KCNK2: variants seen among roughly 807,000 people sequenced by gnomAD.
The protein encoded by KCNK2 is potassium two pore domain channel subfamily K member 2.
In KCNK2, 21 loss-of-function variants were observed where a neutral mutation model predicts 40.5. That is an observed-to-expected ratio of 0.52 (90% CI 0.37 to 0.75). The LOEUF (loss-of-function observed/expected upper bound fraction) is 0.75. Ranked by LOEUF, KCNK2 falls within the 30% of genes least tolerant of loss-of-function variation. The probability of loss-of-function intolerance (pLI) is 0.00; values close to 1 mark genes in which losing one functional copy is unlikely to be tolerated. For missense variants in KCNK2, 399 were observed against 531.6 expected (o/e 0.75, Z 2.45); for synonymous variants, 191 against 202.2 (o/e 0.94, Z 0.47).
intron 3 of KCNK2, among the ~76,000 whole-genome samples, chr1:215,162,010 C>T (rs1663220335): frequency 6.6e-6 from 1 of 152,166 alleles, no homozygotes; most frequent in African/African-American, 2.4e-5. Context: ...ACATTGTCTT[C>T]CACGATGGTT....
rs1661342699 is a variant in KCNK2, at chr1:215,124,739, T to C, written c.464T>C (p.Ile155Thr). The C allele has an allele frequency of 1.3e-6, 2 of 1,584,958 alleles. No individual in the cohort carries two copies. The highest frequency in any genetic ancestry group is 1.7e-6 in the Non-Finnish European group (2 of 1,153,540). Residue 155 changes from isoleucine (I) to threonine (T), a missense_variant, in exon 3 of 7, where the codon ATT becomes ACT. Ile to Thr is a moderately conservative substitution (Grantham distance 89, BLOSUM62 -1). Coordinates refer to ENST00000444842, the MANE Select transcript of KCNK2 (RefSeq NM_001017425.3). ...TCCTTCTTCTTTGCTGGCACTGTTA[T>C]TACAACCATAGGTAGGAGACAACTT... ...GSSFFFAGTV[I>T]TTIGFGNISP...
chr1:215,112,167 T>G (rs1660714318), intron 2 of KCNK2, among the ~76,000 whole-genome samples: 1 of 152,068 alleles, frequency 6.6e-6, no homozygotes. Context: ...AGAAGCCTTT[T>G]GGAAAGTCTG....
At chr1:215,176,027 G>A (rs919555059) in intron 5 of KCNK2, among the ~76,000 whole-genome samples, 2 of 152,092 alleles carry the variant, frequency 1.3e-5, no homozygotes, top group Non-Finnish European at 2.9e-5. Context: ...TAGGATTGCT[G>A]TGCTGAACGG....
chr1:215,083,906 T>TG (rs991513670), intron 1 of KCNK2, among the ~76,000 whole-genome samples: 3 of 151,944 alleles, frequency 2.0e-5, no homozygotes, highest in Non-Finnish European at 2.9e-5. Flanking sequence ...TGTGATGAGC[T>TG]GGGGGAGGGG....
intron 6 of KCNK2, among the ~76,000 whole-genome samples, chr1:215,228,817 C>A (rs564536619): frequency 6.6e-6 from 1 of 152,016 alleles, no homozygotes; most frequent in Non-Finnish European, 1.5e-5. Context: ...TTCTCAGGAA[C>A]TTATTTTTGA....
intron 2 of KCNK2, among the ~76,000 whole-genome samples, chr1:215,088,590 A>G (rs63288662): frequency 2.0e-5 from 3 of 150,256 alleles, no homozygotes; most frequent in Non-Finnish European, 3.0e-5. Flanking sequence ...AAAAAAAAAA[A>G]CCATGACCAG....
intron 2 of KCNK2, among the ~76,000 whole-genome samples, chr1:215,094,265 T>C (rs1659881292): frequency 6.6e-6 from 1 of 151,992 alleles, no homozygotes; most frequent in Non-Finnish European, 1.5e-5. Flanking sequence ...TTTAGGGACA[T>C]AAAAATAGCC....
intron 1 of KCNK2, among the ~76,000 whole-genome samples, chr1:215,018,221 G>A (rs114201813): frequency 0.013 from 1,961 of 152,172 alleles, 39 homozygotes; most frequent in African/African-American, 0.045. Flanking sequence ...TTTTGATTGC[G>A]AATGAGAATC....
intron 4 of KCNK2, among the ~76,000 whole-genome samples, chr1:215,170,132 T>C (rs1663635502): frequency 6.6e-6 from 1 of 152,186 alleles, no homozygotes; most frequent in Non-Finnish European, 1.5e-5. Context: ...TACTTTATTA[T>C]TTTAAAATTT....
At chr1:215,014,554 T>G (rs1656517903) in intron 1 of KCNK2, among the ~76,000 whole-genome samples, 1 of 152,062 alleles carries the variant, frequency 6.6e-6, no homozygotes, top group East Asian at 1.9e-4. Context: ...GGTAGTAGTC[T>G]AGAAATATGT....
intron 6 of KCNK2, 84 bp from the exon 7 acceptor site, chr1:215,234,744 A>G: frequency 3.0e-6 from 4 of 1,324,306 alleles, no homozygotes; most frequent in Non-Finnish European, 4.2e-6. Flanking sequence ...TAAAATCCCA[A>G]AATAAAATGA....
chr1:215,101,328 C>T (rs1353445462), intron 2 of KCNK2, among the ~76,000 whole-genome samples: 1 of 151,814 alleles, frequency 6.6e-6, no homozygotes, highest in Non-Finnish European at 1.5e-5. Context: ...TTAGATGGGC[C>T]ATGTTGAGAA....
chr1:215,212,507 G>C (rs1665784407), intron 6 of KCNK2, among the ~76,000 whole-genome samples: 1 of 152,240 alleles, frequency 6.6e-6, no homozygotes, highest in East Asian at 1.9e-4. Flanking sequence ...TATGTTTCTA[G>C]AGAACAATAA....
Position 215,139,084 on chromosome 1 carries a change from G to A in KCNK2, c.475+14334G>A, listed in dbSNP as rs150005115. Among the ~76,000 whole-genome samples the A allele has an allele frequency of 2.7e-3, 416 of 152,252 alleles. 2 individuals carry two copies. Among genetic ancestry groups the A allele is most frequent in the African/African-American group, 9.7e-3 (405 of 41,560 alleles). On this transcript the variant is annotated intron_variant, in intron 3 of 6. Transcript: ENST00000444842. Reference sequence around the variant, plus strand: ...TGCTTTTATTAAAAATTAATAAGGAGTGTCTATACATCATTAAGCAATAAG... The same window carrying A: ...TGCTTTTATTAAAAATTAATAAGGAATGTCTATACATCATTAAGCAATAAG...
chr1:215,033,649 G>A (rs920555058), intron 1 of KCNK2, among the ~76,000 whole-genome samples: 2 of 152,050 alleles, frequency 1.3e-5, no homozygotes, highest in Non-Finnish European at 2.9e-5. Context: ...CCATTAGATG[G>A]GACAGGATGG....
At chr1:215,120,143 ACTAC>A (rs1558099855) in intron 2 of KCNK2, among the ~76,000 whole-genome samples, 2 of 152,198 alleles carry the variant, frequency 1.3e-5, no homozygotes, top group African/African-American at 4.8e-5. Flanking sequence ...GTTGCCAGAC[ACTAC>A]TGTTTCTGAT....
At position 215,036,615 on chromosome 1, in the gene KCNK2, G is replaced by A. The variant is rs938730928; in HGVS notation, c.34+30660G>A. On this transcript the variant is annotated intron_variant, in intron 1 of 6. Transcript: ENST00000391895. Reference sequence around the variant, plus strand: ...TGACACGTGTTAAATCTGTAGATCAGTTTGGGTAGAATATTTATGTCAACA... The same window carrying A: ...TGACACGTGTTAAATCTGTAGATCAATTTGGGTAGAATATTTATGTCAACA... 1.2e-4 allele frequency among the ~76,000 whole-genome samples: 18 copies of A among 151,922 alleles called. No homozygotes were observed. The East Asian group carries it at 2.5e-3, about 21-fold the overall frequency.
intron 2 of KCNK2, among the ~76,000 whole-genome samples, chr1:215,103,976 T>C (rs969415118): frequency 6.6e-6 from 1 of 152,024 alleles, no homozygotes; most frequent in African/African-American, 2.4e-5. Flanking sequence ...ATCTTATATA[T>C]AGGCCAAACT....
At chr1:215,121,821 A>G (rs906236495) in intron 2 of KCNK2, among the ~76,000 whole-genome samples, 5 of 152,216 alleles carry the variant, frequency 3.3e-5, no homozygotes, top group African/African-American at 1.2e-4. Flanking sequence ...TAGAGACATA[A>G]TTATTTATTG....
Sources: allele counts gnomAD v4.1 joint callset (sites outside exome capture counted in the v4.1 genomes callset), GRCh38; gene constraint gnomAD v4.1.1; transcripts MANE v1.5; gene names NCBI Gene and HGNC (gene_info 2026-07-23, HGNC 2026-07-21).